Variants in SGCZ observed in about 807,000 individuals in gnomAD.
The protein encoded by SGCZ is sarcoglycan zeta, also known as zeta-sarcoglycan.
Under a neutral mutation model 41.3 loss-of-function variants are expected in SGCZ, and 40 were observed. The observed-to-expected ratio is 0.97, with a 90% CI of 0.75 to 1.26. SGCZ has a LOEUF of 1.26. SGCZ is among the 50% of genes most tolerant of loss of function. The pLI is 0.00. For missense variants in SGCZ, 552 were observed against 369.8 expected (o/e 1.49, Z -4.04); for synonymous variants, 206 against 137.5 (o/e 1.50, Z -3.49).
intron 1 of SGCZ, among the ~76,000 whole-genome samples, chr8:14,958,786 A>C (rs1467844147): frequency 1.3e-5 from 2 of 152,134 alleles, no homozygotes; most frequent in Non-Finnish European, 1.5e-5. Context: ...TTAGGCGGAA[A>C]CACACAGATG....
At chr8:14,247,827 T>C (rs1389906391) in intron 3 of SGCZ, among the ~76,000 whole-genome samples, 42 of 152,202 alleles carry the variant, frequency 2.8e-4, no homozygotes, top group Non-Finnish European at 4.8e-4. Context: ...GGGGACATGA[T>C]TGAGGTACAC....
rs369767648 is a variant in SGCZ at position 14,675,161 on chromosome 8, C to T, written c.40-120235G>A. ...TTCACCGTGTTAGTCAGGATGGTCTCGATCTCCTGATCTCGTGATCTGCCC... is the reference window on the plus strand; with the variant it reads ...TTCACCGTGTTAGTCAGGATGGTCTTGATCTCCTGATCTCGTGATCTGCCC... On this transcript the variant is annotated intron_variant, in intron 1 of 7. Transcript: ENST00000382080. Among the ~76,000 whole-genome samples, 167 of 151,520 alleles carry T rather than the reference C, an allele frequency of 1.1e-3. 1 individual carries two copies. The highest frequency in any genetic ancestry group is 3.7e-3 in the African/African-American group (152 of 41,240).
intron 1 of SGCZ, among the ~76,000 whole-genome samples, chr8:14,838,112 T>G (rs1406040726): frequency 6.6e-6 from 1 of 152,164 alleles, no homozygotes; most frequent in Non-Finnish European, 1.5e-5. Flanking sequence ...TCTCATGTTC[T>G]CACTCATATG....
At chr8:15,171,258 G>C (rs181795590) in intron 1 of SGCZ, among the ~76,000 whole-genome samples, 58 of 152,272 alleles carry the variant, frequency 3.8e-4, no homozygotes, top group African/African-American at 1.4e-3. Flanking sequence ...AAAGCTTAAA[G>C]TTGAAAGAGA....
chr8:14,955,881 A>G (rs1800775095), intron 1 of SGCZ, among the ~76,000 whole-genome samples: 1 of 152,170 alleles, frequency 6.6e-6, no homozygotes, highest in African/African-American at 2.4e-5. Flanking sequence ...TCTTTTGAAT[A>G]AACAAGAGTT....
chr8:14,886,014 TATATATATATATATA>T (rs1563339126), intron 1 of SGCZ, among the ~76,000 whole-genome samples: 1 of 120,488 alleles, frequency 8.3e-6, no homozygotes, highest in Non-Finnish European at 1.8e-5. Flanking sequence ...TATATATATA[TATATATATATATATA>T]TATATAAAAT....
chr8:14,944,322 T>C (rs1800372605), intron 1 of SGCZ, among the ~76,000 whole-genome samples: 1 of 152,192 alleles, frequency 6.6e-6, no homozygotes, highest in Non-Finnish European at 1.5e-5. Flanking sequence ...TAAATGTGGC[T>C]TTGTTGAATA....
intron 1 of SGCZ, among the ~76,000 whole-genome samples, chr8:14,750,081 T>C (rs1799452337): frequency 6.6e-6 from 1 of 152,200 alleles, no homozygotes; most frequent in Non-Finnish European, 1.5e-5. Flanking sequence ...TTCTTGGTCT[T>C]AATAGTCCAA....
intron 2 of SGCZ, among the ~76,000 whole-genome samples, chr8:14,449,237 AACTT>A (rs1388777893): frequency 1.3e-5 from 2 of 152,306 alleles, no homozygotes; most frequent in South Asian, 2.1e-4. Context: ...TATAGTAATG[AACTT>A]ACTTGTTCTA....
chr8:14,753,680 G>A (rs1032866484), intron 1 of SGCZ, among the ~76,000 whole-genome samples: 20 of 152,038 alleles, frequency 1.3e-4, no homozygotes, highest in African/African-American at 4.8e-4. Flanking sequence ...CATCAGAATG[G>A]TTGTACAATT....
At chr8:15,093,693 A>C (rs879573002) in intron 1 of SGCZ, among the ~76,000 whole-genome samples, 1 of 152,328 alleles carries the variant, frequency 6.6e-6, no homozygotes, top group Non-Finnish European at 1.5e-5. Context: ...AAGTAAAAAA[A>C]TTACACTTCA....
intron 5 of SGCZ, among the ~76,000 whole-genome samples, chr8:14,146,245 T>C (rs1803516588): frequency 2.6e-5 from 4 of 152,196 alleles, no homozygotes; most frequent in African/African-American, 7.2e-5. Flanking sequence ...CAGCCAACTC[T>C]TTCAGTGGAA....
chr8:14,936,554 T>A (rs1423768122), intron 1 of SGCZ, among the ~76,000 whole-genome samples: 1 of 151,892 alleles, frequency 6.6e-6, no homozygotes, highest in Non-Finnish European at 1.5e-5. Flanking sequence ...AGTCAAAAAA[T>A]TTTAAGTTGG....
intron 2 of SGCZ, among the ~76,000 whole-genome samples, chr8:14,420,665 A>G (rs1035419288): frequency 6.6e-6 from 1 of 152,098 alleles, no homozygotes. Context: ...CAGCAATAGA[A>G]CTGGAGAAAT....
chr8:14,726,343 A>AT (rs1563228602), intron 1 of SGCZ, among the ~76,000 whole-genome samples: 9 of 94,078 alleles, frequency 9.6e-5, no homozygotes, highest in South Asian at 3.6e-4. Flanking sequence ...TATATATATA[A>AT]AATTAGATAG....
At chr8:14,753,589 C>T (rs1165275876) in intron 1 of SGCZ, among the ~76,000 whole-genome samples, 1 of 152,202 alleles carries the variant, frequency 6.6e-6, no homozygotes, top group African/African-American at 2.4e-5. Flanking sequence ...GGATATCATG[C>T]TCCACTTCCT....
At chr8:14,234,929 T>C (rs192754447) in intron 4 of SGCZ, among the ~76,000 whole-genome samples, 64 of 152,278 alleles carry the variant, frequency 4.2e-4, no homozygotes, top group Admixed American at 1.6e-3. Context: ...ATCACACAGA[T>C]ACACTGAATA....
At chr8:15,208,937 C>G (rs1452504819) in intron 1 of SGCZ, among the ~76,000 whole-genome samples, 2 of 151,310 alleles carry the variant, frequency 1.3e-5, no homozygotes, top group African/African-American at 4.9e-5. Flanking sequence ...GTTCCTAATA[C>G]TATCTAAAAG....
intron 1 of SGCZ, among the ~76,000 whole-genome samples, chr8:14,775,649 G>C (rs1052144425): frequency 6.6e-6 from 1 of 152,050 alleles, no homozygotes; most frequent in Non-Finnish European, 1.5e-5. Context: ...TATAGAGTTT[G>C]GTTACATAGA....
Sources: allele counts gnomAD v4.1 joint callset (sites outside exome capture counted in the v4.1 genomes callset), GRCh38; gene constraint gnomAD v4.1.1; transcripts MANE v1.5; gene names NCBI Gene and HGNC (gene_info 2026-07-23, HGNC 2026-07-21).